The following HMCN1 variants were observed in gnomAD, a reference collection of about 807,000 sequenced individuals.
HMCN1 encodes hemicentin-1.
A neutral mutation model predicts 625.9 loss-of-function variants in HMCN1; 321 were observed. That is an observed-to-expected ratio of 0.51 (90% confidence interval 0.47 to 0.56). HMCN1 has a LOEUF of 0.56. HMCN1 is among the 20% of genes least tolerant of loss of function. The pLI, the probability that HMCN1 is intolerant of heterozygous loss-of-function variation, is 0.00. For synonymous variants in HMCN1, 2,425 were observed against 2,417.6 expected (o/e 1.00, Z -0.09); for missense variants, 6,588 against 6,887.3 (o/e 0.96, Z 1.54).
At chr1:185,899,648 C>T (rs949752796) in intron 4 of HMCN1, among the ~76,000 whole-genome samples, 1 of 152,102 alleles carries the variant, frequency 6.6e-6, no homozygotes, top group Non-Finnish European at 1.5e-5. Flanking sequence ...TGAGACTTCT[C>T]TCTGTTGCCC....
intron 97 of HMCN1, among the ~76,000 whole-genome samples, chr1:186,161,894 T>G (rs905346900): frequency 3.9e-5 from 6 of 152,144 alleles, no homozygotes; most frequent in Admixed American, 6.5e-5. Context: ...ACAATTATGT[T>G]TCTTGGAGTT....
chr1:185,748,563 A>C (rs915685274), intron 1 of HMCN1, among the ~76,000 whole-genome samples: 4 of 152,218 alleles, frequency 2.6e-5, no homozygotes, highest in African/African-American at 7.2e-5. Context: ...ATCCTTCTAC[A>C]TAATAATGAA....
chr1:185,987,992 G>A (rs570142493), intron 20 of HMCN1, among the ~76,000 whole-genome samples: 2 of 152,270 alleles, frequency 1.3e-5, no homozygotes, highest in Admixed American at 6.5e-5. Flanking sequence ...AAAAGGAACT[G>A]CTATGAGATG....
chr1:185,818,879 T>C (rs1486138532), intron 1 of HMCN1, among the ~76,000 whole-genome samples: 1 of 152,110 alleles, frequency 6.6e-6, no homozygotes, highest in East Asian at 1.9e-4. Flanking sequence ...AATTTTTATC[T>C]CCTTGAACAT....
intron 1 of HMCN1, among the ~76,000 whole-genome samples, chr1:185,741,662 A>G (rs1223700446): frequency 2.0e-5 from 3 of 152,336 alleles, no homozygotes; most frequent in African/African-American, 4.8e-5. Context: ...GGAGAAGAGT[A>G]TGTTATCCTA....
chr1:185,997,500 A>G lies in HMCN1; in HGVS notation c.3850A>G (p.Ile1284Val), dbSNP rs1652878940. 2 of 1,611,130 alleles carry G rather than the reference A, an allele frequency of 1.2e-6. No homozygotes were observed. The highest frequency in any genetic ancestry group is 1.7e-5 in the Admixed American group (1 of 59,892). ...CCAAGAAAGAGTGGCCAATCAACGCATTGAATTTCCATGTCCTGCAAAAGG... is the reference window on the plus strand; with the variant it reads ...CCAAGAAAGAGTGGCCAATCAACGCGTTGAATTTCCATGTCCTGCAAAAGG... ...TFQERVANQR[I>V]EFPCPAKGTP... is the part of the protein sequence containing the mutation. The change falls in exon 25 of 107, where the codon ATT (isoleucine) becomes GTT (valine). Residue 1284 changes from isoleucine (I) to valine (V), a missense_variant. Around this residue, in one of 3 missense-constraint regions of HMCN1, gnomAD observed 4,628 missense variants for 4,853.1 expected, o/e 0.95. Transcript: ENST00000271588.
chr1:186,064,821 A>AAAAAAAAAGTAT (rs1553286400), intron 48 of HMCN1, among the ~76,000 whole-genome samples: 3 of 151,392 alleles, frequency 2.0e-5, no homozygotes, highest in African/African-American at 7.3e-5. Context: ...AAAAAAAAAA[A>AAAAAAAAAGTAT]AAAAAAAGTA....
chr1:186,072,069 A>G (rs909795907), intron 52 of HMCN1, among the ~76,000 whole-genome samples: 1 of 152,168 alleles, frequency 6.6e-6, no homozygotes, highest in Non-Finnish European at 1.5e-5. Flanking sequence ...AATTGACCCA[A>G]TTATGATGCT....
chr1:185,839,803 A>G (rs756537544), intron 1 of HMCN1, among the ~76,000 whole-genome samples: 15 of 152,218 alleles, frequency 9.9e-5, no homozygotes, highest in Non-Finnish European at 1.9e-4. Flanking sequence ...TGCATTATAC[A>G]TATACTATGT....
intron 39 of HMCN1, 40 bp from the exon 40 acceptor site, chr1:186,040,973 C>A: frequency 6.2e-7 from 1 of 1,607,210 alleles, no homozygotes; most frequent in South Asian, 1.1e-5. Context: ...CTACCATTCT[C>A]AGAGACATAT....
intron 6 of HMCN1, among the ~76,000 whole-genome samples, chr1:185,917,271 A>C (rs1484793411): frequency 6.6e-6 from 1 of 152,190 alleles, no homozygotes; most frequent in African/African-American, 2.4e-5. Flanking sequence ...ATGGCAAAGA[A>C]ATAGTTGGAG....
At position 185,943,491 on chromosome 1, in the gene HMCN1, G is replaced by T. The variant is rs375280086; in HGVS notation, c.1828+9667G>T. The stretch of plus-strand genomic sequence containing the variant: ...AAATATTCTGTTGAGTGGTATTAGA[G>T]TAGAGGGAAAAAATAGTTTTTTCCT... On this transcript the variant is annotated intron_variant, in intron 11 of 106. Coordinates refer to ENST00000271588, the MANE Select transcript of HMCN1 (RefSeq NM_031935.3). Among the ~76,000 whole-genome samples the T allele has an allele frequency of 1.4e-4, 21 of 152,288 alleles. No individual in the cohort carries two copies. In the East Asian group the frequency reaches 3.7e-3, roughly 27 times the overall value.
intron 1 of HMCN1, among the ~76,000 whole-genome samples, chr1:185,773,327 A>G (rs1378672965): frequency 6.6e-6 from 1 of 152,192 alleles, no homozygotes; most frequent in Non-Finnish European, 1.5e-5. Flanking sequence ...AAGACTGAAA[A>G]ACTTTGATCT....
chr1:185,936,893 GA>G (rs1479113505), intron 11 of HMCN1, among the ~76,000 whole-genome samples: 2 of 152,176 alleles, frequency 1.3e-5, no homozygotes, highest in African/African-American at 2.4e-5. Flanking sequence ...AGCTCCTCCA[GA>G]ACAGAAGCAG....
rs762367427 is a variant in HMCN1, at chr1:186,137,641, C to G, written c.13726C>G (p.Arg4576Gly). The change falls in exon 88 of 107, where the codon CGA becomes GGA. Residue 4576 changes from arginine (R) to glycine (G), a missense_variant. Arg to Gly is a moderately radical substitution (Grantham distance 125, BLOSUM62 -2). Transcript: ENST00000271588. ...CTGCCAAGGTTCAGATTTGGAAATGCGAAACTGTCAAAATAAGCCTTGTCC... is the reference window on the plus strand; with the variant it reads ...CTGCCAAGGTTCAGATTTGGAAATGGGAAACTGTCAAAATAAGCCTTGTCC... ...KPCQGSDLEM[R>G]NCQNKPCPVD... 1 of 1,613,972 alleles carries G rather than the reference C, an allele frequency of 6.2e-7. No homozygotes were observed. The highest frequency in any genetic ancestry group is 8.5e-7 in the Non-Finnish European group (1 of 1,179,954).
chr1:186,065,136 T>C (rs1658023569), intron 48 of HMCN1, 102 bp from the exon 49 acceptor site: 1 of 824,356 alleles, frequency 1.2e-6, no homozygotes, highest in South Asian at 1.5e-5. Flanking sequence ...GTTTTAGACA[T>C]GGGATATGTA....
chr1:186,189,950 C>A lies in HMCN1; in HGVS notation c.*72C>A, dbSNP rs981470630. 69 of 1,556,042 alleles carry A rather than the reference C, an allele frequency of 4.4e-5. No individual in the cohort carries two copies. Among genetic ancestry groups the A allele is most frequent in the Non-Finnish European group, 6.1e-5 (69 of 1,136,176 alleles). On this transcript the variant is annotated 3_prime_UTR_variant, in exon 107 of 107. Coordinates refer to ENST00000271588, the MANE Select transcript of HMCN1 (RefSeq NM_031935.3). Reference sequence around the variant, plus strand: ...GGCAATCAAGCCCCCTTCCAGATTACTGTCTCTTGAACAGTTGCAATCTTG... The same window carrying A: ...GGCAATCAAGCCCCCTTCCAGATTAATGTCTCTTGAACAGTTGCAATCTTG...
At chr1:185,948,698 C>T (rs1571601794) in intron 11 of HMCN1, among the ~76,000 whole-genome samples, 1 of 151,840 alleles carries the variant, frequency 6.6e-6, no homozygotes, top group South Asian at 2.1e-4. Flanking sequence ...ACAGGGGATG[C>T]GATGGCTTGG....
At chr1:186,076,334 C>A in intron 53 of HMCN1, 94 bp from the exon 54 acceptor site, 1 of 1,197,740 alleles carries the variant, frequency 8.3e-7, no homozygotes, top group Non-Finnish European at 1.2e-6. Context: ...ATTGTCTAAT[C>A]TATTGCTTTT....
Sources: gnomAD v4.1 joint callset for allele counts (sites outside exome capture counted in the v4.1 genomes callset) on GRCh38, gnomAD v4.1.1 for gene constraint, gnomAD v4.1.1 regional missense constraint, MANE v1.5 for transcripts, NCBI Gene and HGNC (gene_info 2026-07-23, HGNC 2026-07-21) for gene names.